Variants in ARID3A observed in about 807,000 individuals in gnomAD.
ARID3A encodes the protein AT-rich interactive domain-containing protein 3A.
ARID3A carries 11 observed loss-of-function variants against 52.7 expected under a neutral mutation model. The ratio of observed to expected loss-of-function variants is 0.21; its 90% confidence interval spans 0.13 to 0.35. ARID3A has a LOEUF of 0.35. Among genes scored for constraint, ARID3A ranks in the 10% least tolerant of loss-of-function variants. The pLI, the probability that ARID3A is intolerant of heterozygous loss-of-function variation, is 1.00. For synonymous variants in ARID3A, 404 were observed against 359.4 expected, an observed-to-expected ratio of 1.12 and a Z score of -1.40; for missense variants, 721 against 838.5, an observed-to-expected ratio of 0.86 and a Z score of 1.73.
intron 3 of ARID3A, among the ~76,000 whole-genome samples, chr19:945,771 G>A (rs773616609): frequency 1.6e-4 from 24 of 152,190 alleles, no homozygotes; most frequent in Admixed American, 3.3e-4. Context: ...CGGGGCAGGC[G>A]TGTTCTGGCC....
chr19:967,636 T>C (rs1366057446), intron 7 of ARID3A, among the ~76,000 whole-genome samples: 1 of 152,104 alleles, frequency 6.6e-6, no homozygotes, highest in South Asian at 2.1e-4. Context: ...GCACCTACTG[T>C]GTGCACTGGT....
chr19:935,915 C>T (rs989795922), intron 3 of ARID3A, among the ~76,000 whole-genome samples: 4 of 152,228 alleles, frequency 2.6e-5, no homozygotes, highest in Non-Finnish European at 4.4e-5. Context: ...CTCAGCCTCC[C>T]GAGTAGCTGG....
In ARID3A at chr19:932,588, C is replaced by G; in HGVS notation, c.539C>G (p.Pro180Arg). Residue 180 changes from proline to arginine, a missense_variant, in exon 3 of 9, where the codon CCC (proline) becomes CGC (arginine). Pro to Arg is a moderately radical substitution (Grantham distance 103). Transcript: ENST00000263620. ...TALFPRKAQPPQAFRGDGVPR... is the reference protein window; with the variant it reads ...TALFPRKAQPRQAFRGDGVPR... ...CTGTTCCCCCGAAAGGCCCAGCCACCCCAGGCCTTCCGCGGCGATGGCGTT... is the reference window on the plus strand; with the variant it reads ...CTGTTCCCCCGAAAGGCCCAGCCACGCCAGGCCTTCCGCGGCGATGGCGTT... The G allele has an allele frequency of 6.6e-7, 1 of 1,514,292 alleles. No individual in the cohort carries two copies. Among genetic ancestry groups the G allele is most frequent in the African/African-American group, 1.4e-5 (1 of 70,772 alleles). 93.8% of individuals were successfully genotyped at this position (1,514,292 alleles called of 1,614,324 possible). A position where few individuals can be genotyped will look rare whatever the true frequency, so the allele number is the denominator to read the frequency against.
chr19:967,388 T>C (rs1251683310), intron 7 of ARID3A, among the ~76,000 whole-genome samples: 1 of 151,842 alleles, frequency 6.6e-6, no homozygotes, highest in African/African-American at 2.4e-5. Flanking sequence ...AGCAACACAG[T>C]GAGATGCCAT....
At chr19:932,960 G>T (rs1407984883) in intron 3 of ARID3A, among the ~76,000 whole-genome samples, 1 of 152,204 alleles carries the variant, frequency 6.6e-6, no homozygotes, top group African/African-American at 2.4e-5. Flanking sequence ...GGAGCACCCG[G>T]CCGGGTAGGA....
intron 3 of ARID3A, among the ~76,000 whole-genome samples, chr19:945,019 G>C (rs1329773214): frequency 6.6e-6 from 1 of 152,162 alleles, no homozygotes; most frequent in Non-Finnish European, 1.5e-5. Flanking sequence ...GGGCGTCTCT[G>C]CCCTAGCTGG....
intron 3 of ARID3A, among the ~76,000 whole-genome samples, chr19:953,974 G>T (rs751721330): frequency 6.6e-6 from 1 of 152,196 alleles, no homozygotes; most frequent in Admixed American, 6.5e-5. Flanking sequence ...TCAGGAGACC[G>T]AGGTGGGAGG....
At position 973,750 on chromosome 19, in the gene ARID3A, C is replaced by T. The variant is rs747900259; in HGVS notation, c.*1685C>T. 6 of 228,324 alleles carry T rather than the reference C, an allele frequency of 2.6e-5. No homozygotes were observed. Among genetic ancestry groups the T allele is most frequent in the Non-Finnish European group, 3.5e-5 (4 of 115,054 alleles). 14.1% of individuals were successfully genotyped at this position (228,324 alleles called of 1,614,324 possible). A position where few individuals can be genotyped will look rare whatever the true frequency, so the allele number is the denominator to read the frequency against. ...AGTTCTGCGGTGACTAAATCGAGGC[C>T]GAGAAGGGAGGCTGCCCCCCACCAC... On this transcript the variant is annotated 3_prime_UTR_variant, in exon 9 of 9. Transcript: ENST00000263620.
At chr19:953,420 G>A (rs1037611317) in intron 3 of ARID3A, among the ~76,000 whole-genome samples, 1 of 151,934 alleles carries the variant, frequency 6.6e-6, no homozygotes, top group African/African-American at 2.4e-5. Flanking sequence ...CCCTCCAGAG[G>A]GGCCCGGTCC....
intron 3 of ARID3A, among the ~76,000 whole-genome samples, chr19:953,623 A>G (rs2037851915): frequency 6.6e-6 from 1 of 152,038 alleles, no homozygotes; most frequent in South Asian, 2.1e-4. Context: ...AGAGGAATGA[A>G]GGGGTCAGAG....
At chr19:967,190 G>A (rs2038177705) in intron 7 of ARID3A, among the ~76,000 whole-genome samples, 1 of 151,912 alleles carries the variant, frequency 6.6e-6, no homozygotes, top group African/African-American at 2.4e-5. Context: ...ACTGGGAGAT[G>A]GAGGTTGCAG....
At chr19:934,954 G>A (rs1453839900) in intron 3 of ARID3A, among the ~76,000 whole-genome samples, 2 of 152,170 alleles carry the variant, frequency 1.3e-5, no homozygotes, top group Non-Finnish European at 2.9e-5. Flanking sequence ...TCCAGCCGCC[G>A]ATGCCGCCGC....
chr19:946,437 A>T (rs1352102113), intron 3 of ARID3A, among the ~76,000 whole-genome samples: 19 of 88,354 alleles, frequency 2.2e-4, no homozygotes, highest in Middle Eastern at 8.1e-3. Context: ...AATTTTTTGA[A>T]TCTTTTTTTT....
rs186814435 is a variant in ARID3A, at chr19:962,154, G to C, written c.766+1990G>C. 3.9e-3 allele frequency among the ~76,000 whole-genome samples: 601 copies of C among 152,306 alleles called. 3 individuals are homozygous for C. The highest frequency in any genetic ancestry group is 0.013 in the African/African-American group (553 of 41,566). ...CTCTGTAATGGGGGCCCTTGGAGCT[G>C]AGAATCCGTCAGGTGAACCTGCCCA... On this transcript the variant is annotated intron_variant, in intron 4 of 8. Coordinates refer to ENST00000263620, the MANE Select transcript of ARID3A (RefSeq NM_005224.3).
At position 929,661 on chromosome 19, in the gene ARID3A, G is replaced by A. The variant is rs761261637; in HGVS notation, c.133G>A (p.Glu45Lys). Residue 45 changes from glutamate (E) to lysine (K), a missense_variant, in exon 2 of 9, where the codon GAG becomes AAG. Glu to Lys is a moderately conservative substitution (Grantham distance 56). This residue lies in a region of ARID3A where 349 missense variants were observed against 297.3 expected (regional missense o/e 1.17). Transcript: ENST00000263620. This position sits in a 1 kb window ranked among gnomAD's most constrained non-coding sequence, Gnocchi z 6.2. ...PPGRARAAPD[E>K]DREPESARMQ... The stretch of plus-strand genomic sequence containing the variant: ...CGGCCGGGCCCGGGCTGCCCCCGAC[G>A]AGGACAGAGAGCCCGAGAGTGCCCG... The A allele has an allele frequency of 2.1e-5, 32 of 1,548,150 alleles. No individual in the cohort carries two copies. Among genetic ancestry groups the A allele is most frequent in the South Asian group, 5.9e-5 (5 of 85,116 alleles).
chr19:949,281 A>G (rs2238579), intron 3 of ARID3A, among the ~76,000 whole-genome samples: 29,669 of 151,726 alleles, frequency 0.2, 3,308 homozygotes, highest in East Asian at 0.47. Flanking sequence ...GGGAGGTGCC[A>G]AGGCCCCCAG....
Position 975,137 on chromosome 19 carries a change from C to A in ARID3A, c.*3072C>A, listed in dbSNP as rs933680474. 4.3e-6 allele frequency: 1 copy of A among 230,534 alleles called. No homozygotes were observed. The highest frequency in any genetic ancestry group is 8.5e-6 in the Non-Finnish European group (1 of 117,094). 14.3% of individuals were successfully genotyped at this position (230,534 alleles called of 1,614,324 possible). Reference sequence around the variant, plus strand: ...TCTGGGGTGCAGCTCAGCACCCCCCCTTATGCAGACTGGGAGGGGGTCGGG... The same window carrying A: ...TCTGGGGTGCAGCTCAGCACCCCCCATTATGCAGACTGGGAGGGGGTCGGG... On this transcript the variant is annotated 3_prime_UTR_variant, in exon 9 of 9. Transcript: ENST00000263620.
rs186908785 is a variant in ARID3A, at chr19:936,857, A to G, written c.693+4115A>G. Among the ~76,000 whole-genome samples the G allele has an allele frequency of 1.1e-3, 166 of 151,850 alleles. 3 individuals are homozygous for G. Among genetic ancestry groups the G allele is most frequent in the Non-Finnish European group, 2.9e-4 (20 of 67,932 alleles). ...TTCTGTCTCTAAATAAATAAAATAA[A>G]ATAAACCCTGACCCTTTAACTATTA... On this transcript the variant is annotated intron_variant, in intron 3 of 8. Transcript: ENST00000263620.
chr19:964,144 CTG>C lies in ARID3A; in HGVS notation c.767-103_767-102del. On this transcript the variant is annotated intron_variant, in intron 4 of 8. Transcript: ENST00000263620. This position sits in a 1 kb window ranked among gnomAD's most constrained non-coding sequence, Gnocchi z 5.7. ...TGGAGACATCTGTGGTTGTCACAGC[CTG>C]GGCGGGGGAGTGCTCCTGGCATGGA... The C allele has an allele frequency of 1.1e-6, 1 of 930,820 alleles. No homozygotes were observed. Among genetic ancestry groups the C allele is most frequent in the Non-Finnish European group, 1.6e-6 (1 of 621,184 alleles). 57.7% of individuals were successfully genotyped at this position (930,820 alleles called of 1,614,324 possible). A position where few individuals can be genotyped will look rare whatever the true frequency, so the allele number is the denominator to read the frequency against.
Sources: gnomAD v4.1 joint callset for allele counts (sites outside exome capture counted in the v4.1 genomes callset) on GRCh38, gnomAD v4.1.1 for gene constraint, gnomAD v4.1.1 regional missense constraint, Gnocchi (gnomAD v3.1) non-coding constraint, MANE v1.5 for transcripts, NCBI Gene and HGNC (gene_info 2026-07-23, HGNC 2026-07-21) for gene names.